AZIN2: variants seen among roughly 807,000 people sequenced by gnomAD.
AZIN2 encodes the protein antizyme inhibitor 2, also known as ODC antizyme inhibitor-2.
AZIN2 carries 28 observed loss-of-function variants against 47.8 expected under a neutral mutation model. That is an observed-to-expected ratio of 0.59 (90% CI 0.43 to 0.80). The LOEUF (loss-of-function observed/expected upper bound fraction) is 0.80. Among genes scored for constraint, AZIN2 ranks in the 30% least tolerant of loss-of-function variants. AZIN2 has a pLI of 0.00. For synonymous variants in AZIN2, 221 were observed against 239.4 expected (o/e 0.92, Z 0.71); for missense variants, 535 against 582.5 (o/e 0.92, Z 0.84).
the AZIN2 span, chr1:33,159,945 CTG>C: frequency 6.2e-7 from 1 of 1,600,990 alleles, no homozygotes; most frequent in Non-Finnish European, 8.5e-7. The surrounding 1 kb of genome is among the most constrained non-coding windows in gnomAD (Gnocchi z 4.2). Flanking sequence ...TGGTGGAAGA[CTG>C]TGGGGGACAG....
chr1:33,137,341 G>T, the AZIN2 span, among the ~76,000 whole-genome samples: 1 of 152,090 alleles, frequency 6.6e-6, no homozygotes, highest in Non-Finnish European at 1.5e-5. Flanking sequence ...GGATAAAAAT[G>T]GTATCTCCTC....
At position 33,121,044 on chromosome 1, in the gene AZIN2, C is replaced by T. The variant is rs1011322242; in HGVS notation, c.*862C>T. ...GCTGGCCACGGAGTATTGCTGTGTC[C>T]AGTGCCGACAGCCCTGGCATCCCCT... is the stretch of plus-strand genomic sequence containing the variant. On this transcript the variant is annotated 3_prime_UTR_variant, in exon 12 of 12. Transcript: ENST00000294517. Among the ~76,000 whole-genome samples, 1 of 152,120 alleles carries T rather than the reference C, an allele frequency of 6.6e-6. No homozygotes were observed. Among genetic ancestry groups the T allele is most frequent in the African/African-American group, 2.4e-5 (1 of 41,400 alleles).
In AZIN2 at chr1:33,113,779, ATTAT is replaced by A. The variant is rs1308694887; in HGVS notation, c.1030-4119_1030-4116del. ...ATCTCAATGAAGTCAGAGTTGGATC[ATTAT>A]TTAAAATAGTCTCTCTTCATTGTGG... is the stretch of plus-strand genomic sequence containing the variant. On this transcript the variant is annotated intron_variant, in intron 10 of 11. Coordinates refer to ENST00000294517, the MANE Select transcript of AZIN2 (RefSeq NM_052998.4). This position sits in a 1 kb window ranked among gnomAD's most constrained non-coding sequence, Gnocchi z 4.1. 6.6e-6 allele frequency among the ~76,000 whole-genome samples: 1 copy of A among 152,242 alleles called. No homozygotes were observed. Among genetic ancestry groups the A allele is most frequent in the African/African-American group, 2.4e-5 (1 of 41,470 alleles).
At chr1:33,141,628 G>C in the AZIN2 span, among the ~76,000 whole-genome samples, 3 of 152,156 alleles carry the variant, frequency 2.0e-5, no homozygotes, top group Non-Finnish European at 1.5e-5. Context: ...AAGTCCCTGG[G>C]TCTCTGGTCC....
the AZIN2 span, among the ~76,000 whole-genome samples, chr1:33,156,876 C>T: frequency 8.3e-3 from 1,261 of 152,134 alleles, 18 homozygotes; most frequent in African/African-American, 0.029. Context: ...TTTGCTAATC[C>T]GCTAGCAAAT....
chr1:33,128,551 C>T, the AZIN2 span, among the ~76,000 whole-genome samples: 48 of 152,266 alleles, frequency 3.2e-4, no homozygotes, highest in African/African-American at 9.9e-4. Flanking sequence ...AAAGTCTCTG[C>T]CTAATCTGAA....
chr1:33,165,291 G>T, the AZIN2 span: 1 of 546,678 alleles, frequency 1.8e-6, no homozygotes, highest in Non-Finnish European at 3.2e-6. This position sits in a 1 kb window ranked among gnomAD's most constrained non-coding sequence, Gnocchi z 4.0. Context: ...CCGCCCCATT[G>T]AACTTCACGG....
chr1:33,122,125 A>C lies in AZIN2; in HGVS notation c.*1943A>C, dbSNP rs907096602. Among the ~76,000 whole-genome samples, 1 of 152,234 alleles carries C rather than the reference A, an allele frequency of 6.6e-6. No homozygotes were observed. The highest frequency in any genetic ancestry group is 1.5e-5 in the Non-Finnish European group (1 of 68,032). ...CAGACTCTGAGACTTCTTCCATCTC[A>C]GATCTCCAAGCACTCATACTTCTTT... is the stretch of plus-strand genomic sequence containing the variant. On this transcript the variant is annotated 3_prime_UTR_variant, in exon 12 of 12. Coordinates refer to ENST00000294517, the MANE Select transcript of AZIN2 (RefSeq NM_052998.4).
At chr1:33,089,862 CTT>C (rs1459661427) in intron 5 of AZIN2, among the ~76,000 whole-genome samples, 1 of 152,208 alleles carries the variant, frequency 6.6e-6, no homozygotes, top group African/African-American at 2.4e-5. Flanking sequence ...AAAAATGACT[CTT>C]ATGCCTCTCA....
At chr1:33,091,320 G>T (rs1439762109) in intron 5 of AZIN2, among the ~76,000 whole-genome samples, 1 of 152,090 alleles carries the variant, frequency 6.6e-6, no homozygotes, top group Non-Finnish European at 1.5e-5. Flanking sequence ...GCTCACTCCA[G>T]CCTCCGCCTC....
the AZIN2 span, among the ~76,000 whole-genome samples, chr1:33,152,503 G>T: frequency 6.6e-6 from 1 of 151,186 alleles, no homozygotes; most frequent in African/African-American, 2.4e-5. Context: ...GGAGGCGGAG[G>T]TTGTGGTGAG....
intron 5 of AZIN2, 109 bp from the exon 6 acceptor site, chr1:33,091,941 A>G: frequency 1.7e-6 from 2 of 1,165,542 alleles, no homozygotes; most frequent in East Asian, 2.4e-5. Context: ...GCCCACTGTT[A>G]TGGGCCTCCC....
chr1:33,150,343 T>C, the AZIN2 span, among the ~76,000 whole-genome samples: 1 of 152,242 alleles, frequency 6.6e-6, no homozygotes, highest in South Asian at 2.1e-4. Flanking sequence ...AGAAATAAGA[T>C]GCCTCAATGA....
At chr1:33,114,169 T>G (rs1171874280) in intron 10 of AZIN2, among the ~76,000 whole-genome samples, 1 of 151,836 alleles carries the variant, frequency 6.6e-6, no homozygotes, top group Non-Finnish European at 1.5e-5. Context: ...TCACCCAGGC[T>G]GGAGTGCAGT....
the AZIN2 span, chr1:33,158,471 C>A: frequency 1.2e-6 from 1 of 856,024 alleles, no homozygotes; most frequent in Non-Finnish European, 2.0e-6. Context: ...AGGATGTGGT[C>A]ATGAGTGAGA....
At chr1:33,085,706 T>C (rs1641815721) in intron 5 of AZIN2, among the ~76,000 whole-genome samples, 1 of 152,194 alleles carries the variant, frequency 6.6e-6, no homozygotes, top group African/African-American at 2.4e-5. Context: ...AGGGACCGAA[T>C]GTTAATGCCT....
chr1:33,122,876 T>G lies in AZIN2; in HGVS notation c.*2694T>G, dbSNP rs1055050120. 6.6e-6 allele frequency among the ~76,000 whole-genome samples: 1 copy of G among 152,228 alleles called. No individual in the cohort carries two copies. The highest frequency in any genetic ancestry group is 2.4e-5 in the African/African-American group (1 of 41,460). On this transcript the variant is annotated 3_prime_UTR_variant, in exon 12 of 12. Coordinates refer to ENST00000294517, the MANE Select transcript of AZIN2 (RefSeq NM_052998.4). ...GCTTCCATCTTCTCATACTCAGGAC[T>G]GGCCCCTTCTTCCCCTTTCCCCTCC...
In AZIN2 at chr1:33,117,900, A is replaced by G. The variant is rs1644627263; in HGVS notation, c.1030-2A>G. The G allele has an allele frequency of 6.2e-7, 1 of 1,614,082 alleles. No individual in the cohort carries two copies. The highest frequency in any genetic ancestry group is 1.3e-5 in the African/African-American group (1 of 74,948). The stretch of plus-strand genomic sequence containing the variant: ...TGGCATGGCCATCCCTTCTTCCTAC[A>G]GAAACCATCCACGGAGCAGCCCCTG... On this transcript the variant is annotated splice_acceptor_variant, in intron 10 of 11. Coordinates refer to ENST00000294517, the MANE Select transcript of AZIN2 (RefSeq NM_052998.4). LOFTEE classifies it high-confidence loss of function.
chr1:33,145,421 T>C, the AZIN2 span: 1 of 162,786 alleles, frequency 6.1e-6, no homozygotes, highest in Non-Finnish European at 1.3e-5. Context: ...TAACTTTAAT[T>C]TAATACAAAT....
Sources: allele counts gnomAD v4.1 joint callset (sites outside exome capture counted in the v4.1 genomes callset), GRCh38; gene constraint gnomAD v4.1.1; non-coding constraint Gnocchi (gnomAD v3.1); transcripts MANE v1.5; gene names NCBI Gene and HGNC (gene_info 2026-07-23, HGNC 2026-07-21).